The following PLAGL1 variants were observed in gnomAD, a reference collection of about 807,000 sequenced individuals.
The protein encoded by PLAGL1 is PLAG1 like zinc finger 1.
In PLAGL1, 1 loss-of-function variant was observed where a neutral mutation model predicts 4.6. The ratio of observed to expected loss-of-function variants is 0.22; its 90% CI spans 0.08 to 1.03. The LOEUF (loss-of-function observed/expected upper bound fraction) is 1.03, where lower values mean the gene tolerates loss of function less well. Among genes scored for constraint, PLAGL1 ranks in the 50% least tolerant of loss-of-function variants. The probability of loss-of-function intolerance (pLI) is 0.58; values close to 1 mark genes in which losing one functional copy is unlikely to be tolerated. For synonymous variants in PLAGL1, 240 were observed against 237.8 expected, an observed-to-expected ratio of 1.01 and a Z score of -0.08; for missense variants, 464 against 570.4, an observed-to-expected ratio of 0.81 and a Z score of 1.90.
At position 143,975,458 on chromosome 6, in the gene PLAGL1, G is replaced by T. The variant is rs1786306890; in HGVS notation, c.-543-6480C>A. 6.6e-6 allele frequency among the ~76,000 whole-genome samples: 1 copy of T among 152,140 alleles called. No homozygotes were observed. Among genetic ancestry groups the T allele is most frequent in the African/African-American group, 2.4e-5 (1 of 41,428 alleles). Reference sequence around the variant, plus strand: ...ACAGGGTTTGTGGAGGATCAAATTAGATAACTAATATAAAGCTCCTAAAAC... The same window carrying T: ...ACAGGGTTTGTGGAGGATCAAATTATATAACTAATATAAAGCTCCTAAAAC... On this transcript the variant is annotated intron_variant, in intron 2 of 7. Transcript: ENST00000674357. The surrounding 1 kb of genome is among the most constrained non-coding windows in gnomAD (Gnocchi z 5.8).
rs1264624910 is a variant in PLAGL1, at chr6:143,995,187, A to G, written c.-583-10013T>C. ...GAACAATTAAATAAAATGATTCACAACAAGTGGTCAACACAGAAAATATTC... is the reference window on the plus strand; with the variant it reads ...GAACAATTAAATAAAATGATTCACAGCAAGTGGTCAACACAGAAAATATTC... On this transcript the variant is annotated intron_variant, in intron 1 of 7. Transcript: ENST00000674357. The surrounding 1 kb of genome is among the most constrained non-coding windows in gnomAD (Gnocchi z 4.4). Among the ~76,000 whole-genome samples the G allele has an allele frequency of 2.0e-5, 3 of 152,200 alleles. No individual in the cohort carries two copies. The highest frequency in any genetic ancestry group is 4.4e-5 in the Non-Finnish European group (3 of 68,028).
chr6:144,062,470 CAAAAAAAAA>C lies in PLAGL1; in HGVS notation c.-151+1989_-151+1997del, dbSNP rs543521128. Among the ~76,000 whole-genome samples, 301 of 75,728 alleles carry C rather than the reference CAAAAAAAAA, an allele frequency of 4.0e-3. 1 individual carries two copies. Among genetic ancestry groups the C allele is most frequent in the African/African-American group, 0.013 (253 of 19,184 alleles). The allele number at this position is 75,728 out of a possible 152,430, so 49.7% of individuals were successfully genotyped here. On this transcript the variant is annotated intron_variant, in intron 1 of 3. Transcript: ENST00000437412. ...TAATTACACTAGAATGTTATCAGACCAAAAAAAAAAAAAAAAAAAAAAAAACACAGATTT... is the reference window on the plus strand; with the variant it reads ...TAATTACACTAGAATGTTATCAGACCAAAAAAAAAAAAAAAACACAGATTT...
intron 1 of PLAGL1, among the ~76,000 whole-genome samples, chr6:144,042,248 C>A (rs1459855904): frequency 6.6e-6 from 1 of 152,172 alleles, no homozygotes; most frequent in Non-Finnish European, 1.5e-5. Flanking sequence ...GAAGTCCTTG[C>A]CCATCCTATG....
Position 143,985,962 on chromosome 6 carries a change from C to A in PLAGL1, c.-583-788G>T, listed in dbSNP as rs58685504. Among the ~76,000 whole-genome samples the A allele has an allele frequency of 0.061, 6,453 of 105,932 alleles. 584 individuals are homozygous for A. Among genetic ancestry groups the A allele is most frequent in the African/African-American group, 0.19 (5,919 of 31,246 alleles). 69.5% of individuals were successfully genotyped at this position (105,932 alleles called of 152,430 possible). ...AAAAGATATATATACACATATATAT[C>A]AAATTATATATATATAAAATTATAT... On this transcript the variant is annotated intron_variant, in intron 1 of 7. Coordinates refer to ENST00000674357, the MANE Select transcript of PLAGL1 (RefSeq NM_001317162.2). The surrounding 1 kb of genome is among the most constrained non-coding windows in gnomAD (Gnocchi z 4.4).
In PLAGL1 at chr6:143,957,041, T is replaced by A. The variant is rs1782300296; in HGVS notation, c.-325+3428A>T. On this transcript the variant is annotated intron_variant, in intron 6 of 7. Coordinates refer to ENST00000674357, the MANE Select transcript of PLAGL1 (RefSeq NM_001317162.2). The surrounding 1 kb of genome is among the most constrained non-coding windows in gnomAD (Gnocchi z 4.2). ...CTTCCAGATGGGTCATCCAGTATAG[T>A]ACCCACCAGGGGGAACGGAGGAAAA... 6.6e-6 allele frequency among the ~76,000 whole-genome samples: 1 copy of A among 152,228 alleles called. No homozygotes were observed. The highest frequency in any genetic ancestry group is 2.4e-5 in the African/African-American group (1 of 41,468).
intron 1 of PLAGL1, among the ~76,000 whole-genome samples, chr6:144,058,499 C>T (rs948175124): frequency 6.6e-6 from 1 of 152,144 alleles, no homozygotes; most frequent in African/African-American, 2.4e-5. Context: ...CATCCCTTCT[C>T]AACAGTCCAT....
In PLAGL1 at chr6:144,023,205, A is replaced by G. The variant is rs374392522; in HGVS notation, c.-151+41263T>C. ...GAGAACACTATAAACATGAAAAACA[A>G]ATCAAACTCACCAGGAGTTTGTGGA... is the stretch of plus-strand genomic sequence containing the variant. On this transcript the variant is annotated intron_variant, in intron 1 of 3. Coordinates refer to the PLAGL1 transcript ENST00000437412. Among the ~76,000 whole-genome samples, 268 of 152,308 alleles carry G rather than the reference A, an allele frequency of 1.8e-3. 2 individuals carry two copies. The highest frequency in any genetic ancestry group is 6.0e-3 in the African/African-American group (248 of 41,562).
In PLAGL1 at chr6:144,039,547, C is replaced by G. The variant is rs1797554776; in HGVS notation, c.-151+24921G>C. On this transcript the variant is annotated intron_variant, in intron 1 of 3. Transcript: ENST00000437412. This position sits in a 1 kb window ranked among gnomAD's most constrained non-coding sequence, Gnocchi z 4.1. ...GTTGCAGTGAGCCAAGATTGTGCCA[C>G]TTCACTTCAGCCTGGGTGACAGAGT... Among the ~76,000 whole-genome samples, 1 of 152,168 alleles carries G rather than the reference C, an allele frequency of 6.6e-6. No homozygotes were observed. The highest frequency in any genetic ancestry group is 2.4e-5 in the African/African-American group (1 of 41,448).
At position 143,963,232 on chromosome 6, in the gene PLAGL1, C is replaced by G. The variant is rs9390147; in HGVS notation, c.-399+1555G>C. Among the ~76,000 whole-genome samples, 54,786 of 152,098 alleles carry G rather than the reference C, an allele frequency of 0.36. 10,381 individuals carry two copies. Among genetic ancestry groups the G allele is most frequent in the Non-Finnish European group, 0.44 (30,020 of 67,982 alleles). ...CATGCACAACCCAAGGTTACAATTA[C>G]TCCTTGAAGTCAGAAGCCTCCCAAA... On this transcript the variant is annotated intron_variant, in intron 5 of 7. Transcript: ENST00000674357. This position sits in a 1 kb window ranked among gnomAD's most constrained non-coding sequence, Gnocchi z 6.1.
chr6:144,030,998 T>C (rs1796781995), intron 1 of PLAGL1, among the ~76,000 whole-genome samples: 1 of 151,466 alleles, frequency 6.6e-6, no homozygotes. Flanking sequence ...GTGTTCCCTT[T>C]CCACCGCATC....
At position 144,002,883 on chromosome 6, in the gene PLAGL1, C is replaced by CTTT. The variant is rs34276412; in HGVS notation, c.-584+5204_-584+5206dup. On this transcript the variant is annotated intron_variant, in intron 1 of 7. Transcript: ENST00000674357. ...CAATCCCAATCAAAATTCTGGTAGG[C>CTTT]TTTTTTTTTTTTTTTTAATGGACAT... Among the ~76,000 whole-genome samples the CTTT allele has an allele frequency of 8.2e-3, 1,182 of 144,050 alleles. 31 individuals are homozygous for CTTT. Among genetic ancestry groups the CTTT allele is most frequent in the African/African-American group, 0.026 (1,024 of 39,050 alleles). The allele number at this position is 144,050 out of a possible 152,430, so 94.5% of individuals were successfully genotyped here.
intron 1 of PLAGL1, among the ~76,000 whole-genome samples, chr6:143,988,727 T>C (rs1325046421): frequency 6.6e-6 from 1 of 152,174 alleles, no homozygotes; most frequent in Non-Finnish European, 1.5e-5. Flanking sequence ...CAGGTTTTGG[T>C]GAGGAACCTC....
chr6:144,055,473 C>A lies in PLAGL1; in HGVS notation c.-151+8995G>T, dbSNP rs377221585. Among the ~76,000 whole-genome samples, 1 of 152,006 alleles carries A rather than the reference C, an allele frequency of 6.6e-6. No homozygotes were observed. Among genetic ancestry groups the A allele is most frequent in the East Asian group, 1.9e-4 (1 of 5,192 alleles). On this transcript the variant is annotated intron_variant, in intron 1 of 3. Transcript: ENST00000437412. This position sits in a 1 kb window ranked among gnomAD's most constrained non-coding sequence, Gnocchi z 5.0. ...TTATCTGTGTTAAATTGCTTTTGTC[C>A]CCAAATCTAGCTTCTTGTTGCCCTG...
chr6:143,958,240 T>C lies in PLAGL1; in HGVS notation c.-325+2229A>G, dbSNP rs1285154123. ...AAAGTTACATATAATCACTTATCCC[T>C]CCCCCATGGGTAACTCAGTTACCTG... On this transcript the variant is annotated intron_variant, in intron 6 of 7. Transcript: ENST00000674357. The surrounding 1 kb of genome is among the most constrained non-coding windows in gnomAD (Gnocchi z 5.1). 6.6e-6 allele frequency among the ~76,000 whole-genome samples: 1 copy of C among 152,100 alleles called. No homozygotes were observed. The highest frequency in any genetic ancestry group is 1.5e-5 in the Non-Finnish European group (1 of 67,998).
intron 1 of PLAGL1, among the ~76,000 whole-genome samples, chr6:144,025,052 G>A (rs1471415278): frequency 6.6e-6 from 1 of 152,130 alleles, no homozygotes; most frequent in Non-Finnish European, 1.5e-5. Flanking sequence ...ATAGAGGGGG[G>A]AGGGGTGACT....
intron 6 of PLAGL1, among the ~76,000 whole-genome samples, chr6:143,951,572 G>A (rs541371559): frequency 2.0e-5 from 3 of 152,352 alleles, no homozygotes; most frequent in African/African-American, 7.2e-5. Context: ...CACTGAATGA[G>A]GTTTTCCAGA....
At position 144,029,026 on chromosome 6, in the gene PLAGL1, T is replaced by C. The variant is rs116138965; in HGVS notation, c.-151+35442A>G. 2.7e-3 allele frequency among the ~76,000 whole-genome samples: 416 copies of C among 152,336 alleles called. 3 individuals are homozygous for C. The highest frequency in any genetic ancestry group is 9.5e-3 in the African/African-American group (397 of 41,582). ...AACAAACATAATCCCATGACCTTCATTTGTAAACATTTTATTACTATATGT... is the reference window on the plus strand; with the variant it reads ...AACAAACATAATCCCATGACCTTCACTTGTAAACATTTTATTACTATATGT... On this transcript the variant is annotated intron_variant, in intron 1 of 3. Transcript: ENST00000437412.
rs551087027 is a variant in PLAGL1, at chr6:143,962,533, G to A, written c.-398-1991C>T. Among the ~76,000 whole-genome samples, 34 of 152,268 alleles carry A rather than the reference G, an allele frequency of 2.2e-4. No individual in the cohort carries two copies. The highest frequency in any genetic ancestry group is 7.5e-4 in the African/African-American group (31 of 41,556). ...TATTTTTTGGAAAGTTTGTTTATTCGTTGATGACAAAAACCAAAGTTTCAT... is the reference window on the plus strand; with the variant it reads ...TATTTTTTGGAAAGTTTGTTTATTCATTGATGACAAAAACCAAAGTTTCAT... On this transcript the variant is annotated intron_variant, in intron 5 of 7. Coordinates refer to ENST00000674357, the MANE Select transcript of PLAGL1 (RefSeq NM_001317162.2). This position sits in a 1 kb window ranked among gnomAD's most constrained non-coding sequence, Gnocchi z 5.3.
At chr6:143,943,652 G>A (rs1779137838) in intron 7 of PLAGL1, among the ~76,000 whole-genome samples, 1 of 151,628 alleles carries the variant, frequency 6.6e-6, no homozygotes, top group Admixed American at 6.6e-5. Flanking sequence ...CTTCTTAAAG[G>A]TCACTGGTAA....
Sources: allele counts gnomAD v4.1 joint callset (sites outside exome capture counted in the v4.1 genomes callset), GRCh38; gene constraint gnomAD v4.1.1; non-coding constraint Gnocchi (gnomAD v3.1); transcripts MANE v1.5; gene names NCBI Gene and HGNC (gene_info 2026-07-23, HGNC 2026-07-21).